Variants in WDR49 observed in about 807,000 individuals in gnomAD.
The protein encoded by WDR49 is cilia- and flagella-associated protein 337.
A neutral mutation model predicts 119.5 loss-of-function variants in WDR49; 107 were observed. That is an observed-to-expected ratio of 0.90 (90% CI 0.77 to 1.05). The LOEUF (loss-of-function observed/expected upper bound fraction) is 1.05. Among genes scored for constraint, WDR49 ranks in the 50% least tolerant of loss-of-function variants. The pLI is 0.00. For missense variants in WDR49, 1,240 were observed against 1,220.5 expected (o/e 1.02, Z -0.24); for synonymous variants, 425 against 418.8 (o/e 1.01, Z -0.18).
At position 167,497,442 on chromosome 3, in the gene WDR49, C is replaced by A. The variant is rs1046734679; in HGVS notation, c.3031+2711G>T. Among the ~76,000 whole-genome samples, 6 of 152,040 alleles carry A rather than the reference C, an allele frequency of 3.9e-5. No homozygotes were observed. The East Asian group carries it at 1.2e-3, about 29-fold the overall frequency. ...AATAAGAAATCCAGGGGAAAAAATT[C>A]TCTTTGAGAATTTATTAGAGTCTTT... On this transcript the variant is annotated intron_variant, in intron 18 of 18. Coordinates refer to ENST00000682715, the MANE Select transcript of WDR49 (RefSeq NM_001366157.1).
intron 7 of WDR49, among the ~76,000 whole-genome samples, chr3:167,588,722 T>C (rs1422713232): frequency 2.0e-5 from 3 of 152,190 alleles, no homozygotes; most frequent in Non-Finnish European, 4.4e-5. Context: ...ATATGCCTGT[T>C]TGCCATTTGT....
intron 6 of WDR49, 44 bp downstream of exon 6, chr3:167,604,257 C>T: frequency 6.2e-7 from 1 of 1,602,284 alleles, no homozygotes; most frequent in Non-Finnish European, 8.5e-7. Flanking sequence ...ACATCCCAGA[C>T]TATTTATGAG....
intron 7 of WDR49, among the ~76,000 whole-genome samples, chr3:167,600,212 G>A (rs1010449219): frequency 6.6e-6 from 1 of 152,098 alleles, no homozygotes; most frequent in African/African-American, 2.4e-5. Flanking sequence ...GGGGTTGGGG[G>A]AGTCGTGGTA....
In WDR49 at chr3:167,653,267, G is replaced by C; in HGVS notation, c.159C>G (p.Ala53=). 6.5e-7 allele frequency: 1 copy of C among 1,536,000 alleles called. No homozygotes were observed. The highest frequency in any genetic ancestry group is 8.7e-7 in the Non-Finnish European group (1 of 1,146,852). The part of the protein sequence containing the change: ...SVGDFVKIQK[A]FESPQPRKII... ...CAATAAGCTTCACACTTACCTCAAA[G>C]GCCTTCTGTATTTTTACAAAGTCAC... The change falls in exon 2 of 19, where the codon GCC becomes GCG. Residue 53 remains alanine, a synonymous_variant. Transcript: ENST00000682715.
rs182767168 is a variant in WDR49 at position 167,594,649 on chromosome 3, C to A, written c.1275+7478G>T. Among the ~76,000 whole-genome samples the A allele has an allele frequency of 3.3e-5, 5 of 152,242 alleles. No individual in the cohort carries two copies. In the East Asian group the frequency reaches 7.7e-4, roughly 24 times the overall value. ...ATGTGGTAGAAAAGCAAAACCCGGC[C>A]TTTGACAAAATTCAACAACCCTTCA... On this transcript the variant is annotated intron_variant, in intron 7 of 18. Transcript: ENST00000682715.
At chr3:167,608,351 G>A (rs549360857) in intron 5 of WDR49, among the ~76,000 whole-genome samples, 16 of 152,042 alleles carry the variant, frequency 1.1e-4, no homozygotes, top group East Asian at 3.9e-4. Context: ...AAATTACTTC[G>A]TCATGTGTTT....
chr3:167,596,323 G>T (rs1363001979), intron 7 of WDR49, among the ~76,000 whole-genome samples: 3 of 148,618 alleles, frequency 2.0e-5, no homozygotes, highest in Admixed American at 1.3e-4. Context: ...GATTCCTCAG[G>T]GATCTAGAAC....
chr3:167,511,848 C>G (rs967720686), intron 16 of WDR49, among the ~76,000 whole-genome samples: 1 of 152,184 alleles, frequency 6.6e-6, no homozygotes, highest in African/African-American at 2.4e-5. Flanking sequence ...CAGATCGTGG[C>G]CAACTGCTTC....
chr3:167,552,227 T>C (rs530966941), intron 10 of WDR49, among the ~76,000 whole-genome samples: 143 of 152,136 alleles, frequency 9.4e-4, no homozygotes, highest in African/African-American at 3.0e-3. Flanking sequence ...GCACATAACA[T>C]AGACACTCTG....
At chr3:167,563,225 G>T (rs970982816) in intron 8 of WDR49, among the ~76,000 whole-genome samples, 1 of 151,822 alleles carries the variant, frequency 6.6e-6, no homozygotes, top group Non-Finnish European at 1.5e-5. Flanking sequence ...GTGGTGGCGG[G>T]TGCCTGTAGT....
intron 10 of WDR49, among the ~76,000 whole-genome samples, chr3:167,553,777 G>T (rs1712726793): frequency 6.6e-6 from 1 of 152,078 alleles, no homozygotes; most frequent in Admixed American, 6.6e-5. Flanking sequence ...GAATAATCTG[G>T]CTATACTTAC....
At chr3:167,493,117 A>G (rs932243337) in intron 18 of WDR49, among the ~76,000 whole-genome samples, 3 of 152,144 alleles carry the variant, frequency 2.0e-5, no homozygotes, top group Non-Finnish European at 1.5e-5. Flanking sequence ...TCCAAGTTCC[A>G]GGTTCTCTGT....
chr3:167,629,080 A>G (rs1166513947), intron 2 of WDR49, among the ~76,000 whole-genome samples: 1 of 151,982 alleles, frequency 6.6e-6, no homozygotes, highest in African/African-American at 2.4e-5. Context: ...ACATAGTGAG[A>G]CTCCATCTCT....
intron 8 of WDR49, among the ~76,000 whole-genome samples, chr3:167,560,756 T>C (rs1180855558): frequency 2.7e-5 from 4 of 148,694 alleles, no homozygotes; most frequent in African/African-American, 1.0e-4. Context: ...TATATTTTTA[T>C]AGCTAAACAC....
At chr3:167,613,719 C>CG (rs1429442862) in intron 5 of WDR49, among the ~76,000 whole-genome samples, 1 of 151,990 alleles carries the variant, frequency 6.6e-6, no homozygotes, top group African/African-American at 2.4e-5. Flanking sequence ...CTGAGGCAGA[C>CG]GGATCACCTG....
At chr3:167,583,211 C>T (rs181245388) in intron 7 of WDR49, among the ~76,000 whole-genome samples, 238 of 151,982 alleles carry the variant, frequency 1.6e-3, no homozygotes, top group Non-Finnish European at 2.8e-3. Context: ...AAGATCACAG[C>T]TCCTCTTTTA....
intron 10 of WDR49, among the ~76,000 whole-genome samples, chr3:167,545,584 C>G (rs1053973825): frequency 1.2e-4 from 17 of 146,350 alleles, no homozygotes; most frequent in African/African-American, 4.2e-4. Flanking sequence ...AGTTAGAGAC[C>G]ATTATTCTAA....
chr3:167,629,372 C>T (rs530337977), intron 2 of WDR49, among the ~76,000 whole-genome samples: 17 of 152,188 alleles, frequency 1.1e-4, no homozygotes, highest in Admixed American at 3.9e-4. Context: ...ACTGCTAAGA[C>T]GTACTGCTTT....
chr3:167,550,410 A>C (rs951312069), intron 10 of WDR49, among the ~76,000 whole-genome samples: 2 of 152,004 alleles, frequency 1.3e-5, no homozygotes, highest in African/African-American at 4.8e-5. Flanking sequence ...GGTCCTTCAC[A>C]TCCCTTGTAA....
Sources: allele counts gnomAD v4.1 joint callset (sites outside exome capture counted in the v4.1 genomes callset), GRCh38; gene constraint gnomAD v4.1.1; transcripts MANE v1.5; gene names NCBI Gene and HGNC (gene_info 2026-07-23, HGNC 2026-07-21).